The following NALF1 variants were observed in gnomAD, a reference collection of about 807,000 sequenced individuals.
NALF1 encodes NALCN channel auxiliary factor 1.
NALF1 carries 3 observed loss-of-function variants against 48.4 expected under a neutral mutation model. That is an observed-to-expected ratio of 0.06 (90% CI 0.03 to 0.16). The LOEUF (loss-of-function observed/expected upper bound fraction) is 0.16, where lower values mean the gene tolerates loss of function less well. NALF1 is among the 10% of genes least tolerant of loss of function. The pLI is 1.00. For synonymous variants in NALF1, 262 were observed against 245.7 expected (o/e 1.07, Z -0.62); for missense variants, 526 against 571.5 (o/e 0.92, Z 0.81).
chr13:107,265,074 T>G (rs967472078), intron 1 of NALF1, among the ~76,000 whole-genome samples: 3 of 152,266 alleles, frequency 2.0e-5, no homozygotes, highest in Admixed American at 6.5e-5. Context: ...CTAGATGTTA[T>G]CCACCTTTTT....
chr13:107,865,120 T>C (rs554661412), intron 1 of NALF1, among the ~76,000 whole-genome samples: 1 of 152,298 alleles, frequency 6.6e-6, no homozygotes, highest in South Asian at 2.1e-4. Flanking sequence ...TATCCTCAGG[T>C]AGGCCCCCAG....
In NALF1 at chr13:107,865,675, T is replaced by G; in HGVS notation, c.915+7A>C. 6.2e-7 allele frequency: 1 copy of G among 1,610,316 alleles called. No homozygotes were observed. Among genetic ancestry groups the G allele is most frequent in the Non-Finnish European group, 8.5e-7 (1 of 1,177,498 alleles). ...CAGGAAAGGGGGAAACCCCCGAGGGTTCCTACCTTACAGTCTTCAGGACAG... is the reference window on the plus strand; with the variant it reads ...CAGGAAAGGGGGAAACCCCCGAGGGGTCCTACCTTACAGTCTTCAGGACAG... On this transcript the variant is annotated splice_region_variant and intron_variant, in intron 1 of 2. Transcript: ENST00000375915.
At chr13:107,505,196 C>T (rs1766597147) in intron 1 of NALF1, among the ~76,000 whole-genome samples, 1 of 152,044 alleles carries the variant, frequency 6.6e-6, no homozygotes, top group Non-Finnish European at 1.5e-5. Flanking sequence ...GAAGGATGTT[C>T]CTAGCAGACA....
intron 1 of NALF1, among the ~76,000 whole-genome samples, chr13:107,816,373 C>G (rs1879162751): frequency 6.6e-6 from 1 of 152,070 alleles, no homozygotes; most frequent in African/African-American, 2.4e-5. Context: ...CTGGGGAGGC[C>G]TCACAGTCAT....
chr13:107,675,829 T>C (rs1935135), intron 1 of NALF1, among the ~76,000 whole-genome samples: 40,818 of 152,098 alleles, frequency 0.27, 6,045 homozygotes, highest in East Asian at 0.45. Flanking sequence ...GCAAGGAATG[T>C]CACTCATACA....
intron 1 of NALF1, among the ~76,000 whole-genome samples, chr13:107,559,884 G>A (rs957145838): frequency 1.3e-5 from 2 of 151,988 alleles, no homozygotes; most frequent in South Asian, 2.1e-4. Context: ...GAAATATATC[G>A]CTATTGGTGA....
In NALF1 at chr13:107,450,135, C is replaced by T. The variant is rs570688503; in HGVS notation, c.916-239380G>A. On this transcript the variant is annotated intron_variant, in intron 1 of 2. Transcript: ENST00000375915. ...GCTAAGTGATTCCTTCCAGTTAGTG[C>T]TTTGTATAGAAGACAGGACTAAGGG... 2.6e-5 allele frequency among the ~76,000 whole-genome samples: 4 copies of T among 152,174 alleles called. No homozygotes were observed. The East Asian group carries it at 7.7e-4, about 29-fold the overall frequency.
At chr13:107,676,598 TTTAATTTAA>T (rs765362701) in intron 1 of NALF1, among the ~76,000 whole-genome samples, 1,644 of 107,012 alleles carry the variant, frequency 0.015, 15 homozygotes, top group Non-Finnish European at 0.024. Flanking sequence ...ATTAAATTAA[TTTAATTTAA>T]TTAATTTAAT....
chr13:107,826,011 C>T (rs1879505177), intron 1 of NALF1, among the ~76,000 whole-genome samples: 1 of 152,192 alleles, frequency 6.6e-6, no homozygotes, highest in African/African-American at 2.4e-5. Context: ...AATCTCTTGA[C>T]CTCGTGACCT....
In NALF1 at chr13:107,165,928, T is replaced by C. The variant is rs1878647915; in HGVS notation, c.*4569A>G. 6.6e-6 allele frequency: 1 copy of C among 152,014 alleles called. No homozygotes were observed. Among genetic ancestry groups the C allele is most frequent in the Non-Finnish European group, 1.5e-5 (1 of 68,008 alleles). The allele number at this position is 152,014 out of a possible 1,614,324, so 9.4% of individuals were successfully genotyped here. A position where few individuals can be genotyped will look rare whatever the true frequency, so the allele number is the denominator to read the frequency against. On this transcript the variant is annotated 3_prime_UTR_variant, in exon 3 of 3. Transcript: ENST00000375915. Reference sequence around the variant, plus strand: ...TGCTGCTCTAACTTTGACAAACAAGTAGGATCATTCATCATTATGGTATAC... The same window carrying C: ...TGCTGCTCTAACTTTGACAAACAAGCAGGATCATTCATCATTATGGTATAC...
intron 1 of NALF1, among the ~76,000 whole-genome samples, chr13:107,243,299 T>TC (rs1165271258): frequency 3.3e-5 from 5 of 152,176 alleles, no homozygotes; most frequent in Non-Finnish European, 7.3e-5. Context: ...CTCTACCCCT[T>TC]CCTTCTCCTT....
chr13:107,240,475 AAAG>A (rs1286767303), intron 1 of NALF1, among the ~76,000 whole-genome samples: 6 of 152,222 alleles, frequency 3.9e-5, no homozygotes, highest in African/African-American at 1.2e-4. Context: ...TGTTAGATTT[AAAG>A]AAGTTCATGG....
chr13:107,403,798 T>G (rs894395016), intron 1 of NALF1, among the ~76,000 whole-genome samples: 3 of 151,932 alleles, frequency 2.0e-5, no homozygotes, highest in African/African-American at 2.4e-5. Flanking sequence ...GTTTTTTATC[T>G]GAACAAGCAG....
At chr13:107,593,617 T>C (rs1878658563) in intron 1 of NALF1, among the ~76,000 whole-genome samples, 1 of 151,986 alleles carries the variant, frequency 6.6e-6, no homozygotes, top group Admixed American at 6.6e-5. Context: ...CACCATTCAA[T>C]AAATTCCAAC....
chr13:107,693,581 G>T (rs890801356), intron 1 of NALF1, among the ~76,000 whole-genome samples: 3 of 151,622 alleles, frequency 2.0e-5, no homozygotes, highest in African/African-American at 7.3e-5. Context: ...GTGAGGCAAG[G>T]TTACTTTAGA....
intron 1 of NALF1, among the ~76,000 whole-genome samples, chr13:107,375,631 T>C (rs1023484131): frequency 2.0e-5 from 3 of 152,158 alleles, no homozygotes; most frequent in African/African-American, 7.2e-5. Flanking sequence ...AGCTTTGATT[T>C]TGAATTATCA....
intron 1 of NALF1, among the ~76,000 whole-genome samples, chr13:107,472,386 T>C (rs559992011): frequency 7.2e-5 from 11 of 152,210 alleles, no homozygotes; most frequent in African/African-American, 1.4e-4. Flanking sequence ...ATGGTTAATA[T>C]TGAGTGTCAA....
chr13:107,825,524 T>C (rs1879489642), intron 1 of NALF1, among the ~76,000 whole-genome samples: 1 of 152,192 alleles, frequency 6.6e-6, no homozygotes, highest in Non-Finnish European at 1.5e-5. Context: ...TGCATCATGA[T>C]AGAAAAAGCA....
At chr13:107,358,063 T>G (rs2138951754) in intron 1 of NALF1, among the ~76,000 whole-genome samples, 1 of 152,310 alleles carries the variant, frequency 6.6e-6, no homozygotes, top group African/African-American at 2.4e-5. Flanking sequence ...TATGCATATT[T>G]ATATACGCAT....
Sources: allele counts gnomAD v4.1 joint callset (sites outside exome capture counted in the v4.1 genomes callset), GRCh38; gene constraint gnomAD v4.1.1; transcripts MANE v1.5; gene names NCBI Gene and HGNC (gene_info 2026-07-23, HGNC 2026-07-21).